The following SLC25A21 variants were observed in gnomAD, a reference collection of about 807,000 sequenced individuals.
The protein encoded by SLC25A21 is mitochondrial 2-oxodicarboxylate carrier.
Under a neutral mutation model 43.8 loss-of-function variants are expected in SLC25A21, and 47 were observed. The observed-to-expected ratio is 1.07, with a 90% CI of 0.85 to 1.37. The LOEUF (loss-of-function observed/expected upper bound fraction) is 1.37, where lower values mean the gene tolerates loss of function less well. Ranked by LOEUF, SLC25A21 falls within the 40% of genes most tolerant of loss-of-function variation. The probability of loss-of-function intolerance (pLI) is 0.00; values close to 1 mark genes in which losing one functional copy is unlikely to be tolerated. For synonymous variants in SLC25A21, 131 were observed against 121.3 expected (o/e 1.08, Z -0.52); for missense variants, 352 against 350.2 (o/e 1.00, Z -0.04).
chr14:36,692,658 A>G (rs1882840584), intron 7 of SLC25A21, among the ~76,000 whole-genome samples: 1 of 152,190 alleles, frequency 6.6e-6, no homozygotes, highest in African/African-American at 2.4e-5. Context: ...TGCCAGAAGA[A>G]GGAGGTTAAG....
chr14:36,710,569 A>G (rs771102802), intron 7 of SLC25A21, among the ~76,000 whole-genome samples: 1 of 152,006 alleles, frequency 6.6e-6, no homozygotes, highest in Non-Finnish European at 1.5e-5. Context: ...TAGCTTCACT[A>G]TAAGTGCACA....
At chr14:37,039,932 C>T (rs1202687549) in intron 1 of SLC25A21, among the ~76,000 whole-genome samples, 3 of 152,136 alleles carry the variant, frequency 2.0e-5, no homozygotes, top group African/African-American at 7.2e-5. Context: ...CTGTGGCTCA[C>T]GCCTGTAATC....
intron 1 of SLC25A21, among the ~76,000 whole-genome samples, chr14:36,942,668 G>A (rs1034556165): frequency 6.6e-6 from 1 of 152,276 alleles, no homozygotes; most frequent in Non-Finnish European, 1.5e-5. Flanking sequence ...ATAACGTGGT[G>A]AAAAGACTTG....
intron 1 of SLC25A21, among the ~76,000 whole-genome samples, chr14:37,019,405 A>G (rs7359156): frequency 0.28 from 41,766 of 151,580 alleles, 6,590 homozygotes; most frequent in African/African-American, 0.44. Flanking sequence ...TTCTTTCTTC[A>G]CATCCTATTC....
Position 36,680,710 on chromosome 14 carries a change from A to G in SLC25A21, c.848T>C (p.Val283Ala), listed in dbSNP as rs1039140052. The G allele has an allele frequency of 6.2e-7, 1 of 1,612,922 alleles. No homozygotes were observed. Among genetic ancestry groups the G allele is most frequent in the South Asian group, 1.1e-5 (1 of 90,816 alleles). ...KIMRLGPGGAVMLLVYEYTYS... is the reference protein window; with the variant it reads ...KIMRLGPGGAAMLLVYEYTYS... ...GGTGTATTCATAAACCAGCAGCATC[A>G]CTGCACCACCTAGAAAAGAAAAGAG... Residue 283 changes from valine (V) to alanine (A), a missense_variant, in exon 10 of 10, where the codon GTG becomes GCG. Val to Ala is a moderately conservative substitution (Grantham distance 64). Transcript: ENST00000331299.
At position 37,052,029 on chromosome 14, in the gene SLC25A21, C is replaced by T. The variant is rs17106131; in HGVS notation, c.70+120252G>A. Among the ~76,000 whole-genome samples, 1,059 of 152,288 alleles carry T rather than the reference C, an allele frequency of 7.0e-3. 13 individuals are homozygous for T. The highest frequency in any genetic ancestry group is 0.024 in the African/African-American group (1,008 of 41,546). On this transcript the variant is annotated intron_variant, in intron 1 of 9. Coordinates refer to ENST00000331299, the MANE Select transcript of SLC25A21 (RefSeq NM_030631.4). The stretch of plus-strand genomic sequence containing the variant: ...AAATGCAGTGTGAAAAGGTGGTTTG[C>T]TTTACACTGTGGCTTTATGTTCCAA...
At chr14:36,837,732 A>G (rs1239349496) in intron 2 of SLC25A21, among the ~76,000 whole-genome samples, 1 of 152,140 alleles carries the variant, frequency 6.6e-6, no homozygotes, top group Non-Finnish European at 1.5e-5. Context: ...TCAACACCAT[A>G]CTACACTCCT....
At chr14:36,935,511 A>T (rs145865697) in intron 1 of SLC25A21, among the ~76,000 whole-genome samples, 9 of 152,280 alleles carry the variant, frequency 5.9e-5, no homozygotes, top group Non-Finnish European at 1.2e-4. Flanking sequence ...GTTTCTGTGG[A>T]AGCCACCTAA....
chr14:36,741,584 C>G (rs772172970), intron 3 of SLC25A21, among the ~76,000 whole-genome samples: 5 of 152,306 alleles, frequency 3.3e-5, no homozygotes, highest in Non-Finnish European at 7.3e-5. Context: ...CAGCAACCAT[C>G]ACACTGGGAA....
At chr14:36,979,336 T>TGTTTG (rs1959963037) in intron 1 of SLC25A21, among the ~76,000 whole-genome samples, 1 of 151,200 alleles carries the variant, frequency 6.6e-6, no homozygotes, top group Non-Finnish European at 1.5e-5. Flanking sequence ...TTTTTGGTTT[T>TGTTTG]TTTTTTTACT....
intron 1 of SLC25A21, among the ~76,000 whole-genome samples, chr14:37,045,752 C>T (rs1359233334): frequency 6.6e-6 from 1 of 152,170 alleles, no homozygotes; most frequent in African/African-American, 2.4e-5. Context: ...TCTGGGTCCT[C>T]TATCTGATTT....
At chr14:36,799,398 A>G (rs1009555064) in intron 3 of SLC25A21, among the ~76,000 whole-genome samples, 3 of 152,176 alleles carry the variant, frequency 2.0e-5, no homozygotes, top group Admixed American at 1.3e-4. Flanking sequence ...GGAACATTCT[A>G]TTCACCATGG....
chr14:37,003,797 T>G (rs1225071867), intron 1 of SLC25A21, among the ~76,000 whole-genome samples: 1 of 152,186 alleles, frequency 6.6e-6, no homozygotes, highest in African/African-American at 2.4e-5. Flanking sequence ...TATGTCTGTT[T>G]CTTTCTCTGG....
At chr14:36,933,907 A>G (rs543374093) in intron 1 of SLC25A21, among the ~76,000 whole-genome samples, 2 of 152,294 alleles carry the variant, frequency 1.3e-5, no homozygotes, top group African/African-American at 4.8e-5. Context: ...AATACACAGT[A>G]GAGACAGATG....
rs536274033 is a variant in SLC25A21 at position 37,118,374 on chromosome 14, C to T, written c.70+53907G>A. ...TTGTACCCCCAAACAATCAGCAGCT[C>T]CCATTCCCCAGCCACCTGCCTCCTC... On this transcript the variant is annotated intron_variant, in intron 1 of 9. Transcript: ENST00000331299. Among the ~76,000 whole-genome samples the T allele has an allele frequency of 5.6e-5, 8 of 144,122 alleles. No individual in the cohort carries two copies. In the South Asian group the frequency reaches 1.6e-3, roughly 28 times the overall value. The allele number at this position is 144,122 out of a possible 152,430, so 94.5% of individuals were successfully genotyped here. A position where few individuals can be genotyped will look rare whatever the true frequency, so the allele number is the denominator to read the frequency against.
Position 37,172,266 on chromosome 14 carries a change from G to A in SLC25A21, c.70+15C>T, listed in dbSNP as rs746468647. 6.3e-6 allele frequency: 10 copies of A among 1,582,342 alleles called. No homozygotes were observed. Among genetic ancestry groups the A allele is most frequent in the Non-Finnish European group, 8.6e-6 (10 of 1,163,956 alleles). Reference sequence around the variant, plus strand: ...AGCGACTAGCCTCCGGCGGGGCAGGGCGGGCTGTCCTTACCTGCAGAACCA... The same window carrying A: ...AGCGACTAGCCTCCGGCGGGGCAGGACGGGCTGTCCTTACCTGCAGAACCA... On this transcript the variant is annotated intron_variant, in intron 1 of 9. Transcript: ENST00000331299.
At chr14:36,791,663 A>G (rs1393432570) in intron 3 of SLC25A21, among the ~76,000 whole-genome samples, 3 of 152,324 alleles carry the variant, frequency 2.0e-5, no homozygotes, top group East Asian at 3.9e-4. Context: ...TTATACAATG[A>G]AAGTTTTATT....
intron 3 of SLC25A21, among the ~76,000 whole-genome samples, chr14:36,791,523 C>T (rs1218064778): frequency 6.6e-6 from 1 of 152,136 alleles, no homozygotes; most frequent in Non-Finnish European, 1.5e-5. Context: ...TTGACAATCA[C>T]ATTTTAAACT....
chr14:36,795,429 G>T (rs1181470926), intron 3 of SLC25A21, among the ~76,000 whole-genome samples: 1 of 152,224 alleles, frequency 6.6e-6, no homozygotes, highest in African/African-American at 2.4e-5. Flanking sequence ...ATACCTAGCA[G>T]TACCATTCTT....
Sources: allele counts gnomAD v4.1 joint callset (sites outside exome capture counted in the v4.1 genomes callset), GRCh38; gene constraint gnomAD v4.1.1; transcripts MANE v1.5; gene names NCBI Gene and HGNC (gene_info 2026-07-23, HGNC 2026-07-21).